The following ARHGEF9 variants were observed in gnomAD, a reference collection of about 807,000 sequenced individuals.
The protein encoded by ARHGEF9 is rho guanine nucleotide exchange factor 9.
In ARHGEF9, 2 loss-of-function variants were observed where a neutral mutation model predicts 41.3. The observed-to-expected ratio is 0.05, with a 90% CI of 0.02 to 0.15. The LOEUF (loss-of-function observed/expected upper bound fraction) is 0.15. Among genes scored for constraint, ARHGEF9 ranks in the 10% least tolerant of loss-of-function variants. The pLI is 1.00. For synonymous variants in ARHGEF9, 160 were observed against 154.4 expected, an observed-to-expected ratio of 1.04 and a Z score of -0.27; for missense variants, 225 against 424.7, an observed-to-expected ratio of 0.53 and a Z score of 4.13.
At chrX:63,694,903 T>C (rs1422155447) in intron 4 of ARHGEF9, among the ~76,000 whole-genome samples, 21 of 112,188 alleles carry the variant, frequency 1.9e-4, no homozygotes, top group Non-Finnish European at 3.4e-4. Flanking sequence ...ATTCTAGAAC[T>C]AATAAAAGGG....
chrX:63,647,661 A>G (rs1404785927), intron 8 of ARHGEF9, among the ~76,000 whole-genome samples: 2 of 111,529 alleles, frequency 1.8e-5, no homozygotes, highest in African/African-American at 3.3e-5. Context: ...TTTTGCATCA[A>G]TGTTCATCAG....
chrX:63,664,859 A>C (rs1452448412), intron 7 of ARHGEF9, among the ~76,000 whole-genome samples: 1 of 111,684 alleles, frequency 9.0e-6, no homozygotes, highest in Non-Finnish European at 1.9e-5. Context: ...TGGCACACAC[A>C]TACACACACA....
At chrX:63,762,482 G>T (rs2056050658) in intron 1 of ARHGEF9, among the ~76,000 whole-genome samples, 1 of 111,474 alleles carries the variant, frequency 9.0e-6, no homozygotes, top group Admixed American at 9.6e-5. Context: ...GTCTAGCAAT[G>T]AGACTCTAAG....
chrX:63,705,852 T>TC (rs1478824230), intron 3 of ARHGEF9, among the ~76,000 whole-genome samples: 3 of 111,405 alleles, frequency 2.7e-5, no homozygotes, highest in African/African-American at 9.8e-5. Context: ...CTCTGGTACA[T>TC]ATTGAAGTCT....
intron 2 of ARHGEF9, among the ~76,000 whole-genome samples, chrX:63,716,451 A>G (rs2147573724): frequency 9.0e-6 from 1 of 111,679 alleles, no homozygotes; most frequent in South Asian, 3.8e-4. Flanking sequence ...CACCTCCCTT[A>G]TGCATAAGTT....
chrX:63,635,786 C>T lies in ARHGEF9; in HGVS notation c.*2242G>A, dbSNP rs782098984. 345 of 163,735 alleles carry T rather than the reference C, an allele frequency of 2.1e-3. 1 individual carries two copies. Among genetic ancestry groups the T allele is most frequent in the Non-Finnish European group, 2.8e-3 (248 of 89,735 alleles). 13.5% of individuals were successfully genotyped at this position (163,735 alleles called of 1,213,427 possible). On this transcript the variant is annotated 3_prime_UTR_variant, in exon 10 of 10. Coordinates refer to ENST00000671741, the MANE Select transcript of ARHGEF9 (RefSeq NM_001353921.2). Reference sequence around the variant, plus strand: ...CCCCTCCCGGTGTGCTGCCAACCCTCGAAGAAGCATGTCAAGGCCAAGCCT... The same window carrying T: ...CCCCTCCCGGTGTGCTGCCAACCCTTGAAGAAGCATGTCAAGGCCAAGCCT...
chrX:63,648,138 C>T (rs1355776891), intron 8 of ARHGEF9, among the ~76,000 whole-genome samples: 2 of 110,747 alleles, frequency 1.8e-5, no homozygotes, highest in Non-Finnish European at 3.8e-5. Flanking sequence ...AACTCCAAGA[C>T]ACATAATTGT....
At chrX:63,773,677 T>C (rs782538526) in intron 1 of ARHGEF9, among the ~76,000 whole-genome samples, 1 of 112,127 alleles carries the variant, frequency 8.9e-6, no homozygotes, top group East Asian at 2.8e-4. Flanking sequence ...CTTTTCCAGA[T>C]GCAATTAGCA....
At chrX:63,780,099 T>C (rs1422654821) in intron 1 of ARHGEF9, among the ~76,000 whole-genome samples, 1 of 111,821 alleles carries the variant, frequency 8.9e-6, no homozygotes, top group Non-Finnish European at 1.9e-5. Flanking sequence ...TAATAGATTT[T>C]CTTGAGCTTT....
intron 4 of ARHGEF9, among the ~76,000 whole-genome samples, chrX:63,684,745 TATAC>T (rs1177002061): frequency 9.1e-6 from 1 of 109,800 alleles, no homozygotes; most frequent in Non-Finnish European, 1.9e-5. Flanking sequence ...ATATATTACA[TATAC>T]ATACAGAGAC....
At chrX:63,742,792 C>T (rs1300398975) in intron 1 of ARHGEF9, among the ~76,000 whole-genome samples, 3 of 111,971 alleles carry the variant, frequency 2.7e-5, no homozygotes, top group African/African-American at 9.7e-5. Context: ...TGAAAGGCCT[C>T]TCATGTATCC....
intron 4 of ARHGEF9, among the ~76,000 whole-genome samples, chrX:63,679,571 T>C (rs1477814977): frequency 8.9e-6 from 1 of 111,923 alleles, no homozygotes; most frequent in Non-Finnish European, 1.9e-5. Context: ...TATCCCAATG[T>C]AATTTACCAC....
At chrX:63,784,767 G>A (rs1556464294) in intron 1 of ARHGEF9, among the ~76,000 whole-genome samples, 1 of 110,875 alleles carries the variant, frequency 9.0e-6, no homozygotes, top group East Asian at 2.8e-4. Context: ...CCTCCTGCGA[G>A]CTTCACTGCT....
chrX:63,772,715 A>G (rs1556455641), intron 1 of ARHGEF9, among the ~76,000 whole-genome samples: 1 of 110,945 alleles, frequency 9.0e-6, no homozygotes, highest in African/African-American at 3.3e-5. Context: ...GCCAATGCAT[A>G]CTTTCCTAGG....
chrX:63,745,285 G>T (rs1556432288), intron 1 of ARHGEF9, among the ~76,000 whole-genome samples: 1 of 111,137 alleles, frequency 9.0e-6, no homozygotes, highest in Non-Finnish European at 1.9e-5. Context: ...CCTGAGGGTA[G>T]ATGGCCACTC....
chrX:63,741,152 A>G (rs1397346545), intron 1 of ARHGEF9, among the ~76,000 whole-genome samples: 3 of 112,479 alleles, frequency 2.7e-5, no homozygotes, highest in Middle Eastern at 4.2e-3. Flanking sequence ...TCACTCCACA[A>G]TGGTTTGTAA....
chrX:63,721,640 C>T (rs1190061180), intron 2 of ARHGEF9, among the ~76,000 whole-genome samples: 4 of 110,929 alleles, frequency 3.6e-5, no homozygotes, highest in East Asian at 2.8e-4. Context: ...CAAAAGGAGG[C>T]CCACCACAGA....
At chrX:63,660,576 G>A (rs1780286927) in intron 7 of ARHGEF9, among the ~76,000 whole-genome samples, 1 of 112,015 alleles carries the variant, frequency 8.9e-6, no homozygotes, top group Non-Finnish European at 1.9e-5. Context: ...AATTTTTCCA[G>A]GAATAAAAGC....
chrX:63,669,049 G>A (rs1422210100), intron 6 of ARHGEF9, among the ~76,000 whole-genome samples: 9 of 112,224 alleles, frequency 8.0e-5, no homozygotes, highest in South Asian at 3.7e-4. Context: ...TTAAACTCTC[G>A]CCATCTGTTT....
Sources: gnomAD v4.1 joint callset for allele counts (sites outside exome capture counted in the v4.1 genomes callset) on GRCh38, gnomAD v4.1.1 for gene constraint, MANE v1.5 for transcripts, NCBI Gene and HGNC (gene_info 2026-07-23, HGNC 2026-07-21) for gene names.